The following CDH4 variants were observed in gnomAD, a reference collection of about 807,000 sequenced individuals.
CDH4 encodes the protein cadherin 4, also known as cadherin-4.
In CDH4, 33 loss-of-function variants were observed where a neutral mutation model predicts 86.0. That is an observed-to-expected ratio of 0.38 (90% CI 0.29 to 0.51). The LOEUF is 0.51. Among genes scored for constraint, CDH4 ranks in the 20% least tolerant of loss-of-function variants. The probability of loss-of-function intolerance (pLI) is 0.86; values close to 1 mark genes in which losing one functional copy is unlikely to be tolerated. For missense variants in CDH4, 1,114 were observed against 1,307.4 expected (o/e 0.85, Z 2.28); for synonymous variants, 555 against 549.4 (o/e 1.01, Z -0.14).
At chr20:61,613,596 G>GA (rs5842359) in intron 2 of CDH4, among the ~76,000 whole-genome samples, 18 of 134,206 alleles carry the variant, frequency 1.3e-4, no homozygotes, top group African/African-American at 2.5e-4. Flanking sequence ...GGCTTCAAAA[G>GA]AAAAAAAAAA....
intron 8 of CDH4, among the ~76,000 whole-genome samples, chr20:61,901,702 G>T (rs1470236045): frequency 6.6e-6 from 1 of 152,260 alleles, no homozygotes; most frequent in African/African-American, 2.4e-5. Context: ...GAACGTCAAG[G>T]CCTCATTAGG....
chr20:61,651,515 C>T (rs1164497041), intron 2 of CDH4, among the ~76,000 whole-genome samples: 2 of 152,176 alleles, frequency 1.3e-5, no homozygotes, highest in African/African-American at 2.4e-5. Flanking sequence ...GGTCAGCCCC[C>T]GCCTGGAGGC....
At chr20:61,795,490 A>G (rs896337707) in intron 4 of CDH4, among the ~76,000 whole-genome samples, 2 of 152,174 alleles carry the variant, frequency 1.3e-5, no homozygotes, top group Non-Finnish European at 2.9e-5. Context: ...TGAGACACTC[A>G]GGGTGACAAT....
rs532803654 is a variant in CDH4 at position 61,629,687 on chromosome 20, G to A, written c.170-113876G>A. 5.3e-5 allele frequency among the ~76,000 whole-genome samples: 8 copies of A among 152,322 alleles called. No homozygotes were observed. In the South Asian group the frequency reaches 1.7e-3, roughly 32 times the overall value. On this transcript the variant is annotated intron_variant, in intron 2 of 15. Transcript: ENST00000614565. ...TAACAGAGGTGGCCAGAGCCATGGAGAAGAATCTAGGAGCCCCAGACAAGC... is the reference window on the plus strand; with the variant it reads ...TAACAGAGGTGGCCAGAGCCATGGAAAAGAATCTAGGAGCCCCAGACAAGC...
intron 2 of CDH4, among the ~76,000 whole-genome samples, chr20:61,712,149 G>T (rs1260470099): frequency 6.6e-6 from 1 of 152,198 alleles, no homozygotes; most frequent in Non-Finnish European, 1.5e-5. Flanking sequence ...GCCAGGAGAG[G>T]CTGGTGAGGC....
chr20:61,919,338 T>C (rs758022718), intron 9 of CDH4, among the ~76,000 whole-genome samples: 6 of 152,234 alleles, frequency 3.9e-5, no homozygotes, highest in African/African-American at 7.2e-5. Flanking sequence ...GAGTTGGATC[T>C]GTTCAGACTC....
At chr20:61,861,224 G>A (rs1983308204) in intron 6 of CDH4, among the ~76,000 whole-genome samples, 1 of 152,178 alleles carries the variant, frequency 6.6e-6, no homozygotes, top group South Asian at 2.1e-4. Flanking sequence ...GTTCCACGTG[G>A]GAAGGACACA....
chr20:61,935,012 G>C (rs2055164374), intron 15 of CDH4, among the ~76,000 whole-genome samples: 1 of 152,228 alleles, frequency 6.6e-6, no homozygotes, highest in Admixed American at 6.5e-5. Context: ...GCGGTGAAGA[G>C]AACAGAGGAG....
intron 2 of CDH4, among the ~76,000 whole-genome samples, chr20:61,615,350 G>C (rs951096319): frequency 6.6e-6 from 1 of 151,048 alleles, no homozygotes; most frequent in African/African-American, 2.5e-5. Flanking sequence ...TTGAACTCCT[G>C]ACCTCTGGTG....
chr20:61,457,769 G>A (rs923651153), intron 2 of CDH4, among the ~76,000 whole-genome samples: 1 of 149,394 alleles, frequency 6.7e-6, no homozygotes, highest in Non-Finnish European at 1.5e-5. Context: ...TTATCATGGT[G>A]ATGGCCATGA....
At chr20:61,322,906 G>A (rs2084516386) in intron 2 of CDH4, among the ~76,000 whole-genome samples, 1 of 152,116 alleles carries the variant, frequency 6.6e-6, no homozygotes, top group Non-Finnish European at 1.5e-5. Flanking sequence ...TATCCCTGGT[G>A]TCCCCTTTTA....
chr20:61,736,619 AGAGG>A (rs1054630082), intron 2 of CDH4, among the ~76,000 whole-genome samples: 80 of 150,092 alleles, frequency 5.3e-4, no homozygotes, highest in African/African-American at 1.9e-3. Flanking sequence ...GGAAGGAAGG[AGAGG>A]GAGGGAGGGA....
chr20:61,512,399 C>T (rs1171287532), intron 2 of CDH4, among the ~76,000 whole-genome samples: 2 of 152,194 alleles, frequency 1.3e-5, no homozygotes, highest in Non-Finnish European at 2.9e-5. Flanking sequence ...TCGACCATAC[C>T]TCTTCCAGGT....
At chr20:61,698,498 G>GGTGCCCGCAGAGGGCACGGGGGAC in intron 2 of CDH4, among the ~76,000 whole-genome samples, 1 of 152,396 alleles carries the variant, frequency 6.6e-6, no homozygotes, top group African/African-American at 2.4e-5. Flanking sequence ...GGTGACTGCA[G>GGTGCCCGCAGAGGGCACGGGGGAC]GTGCCCGCAG....
chr20:61,528,351 C>T (rs191440325), intron 2 of CDH4, among the ~76,000 whole-genome samples: 29 of 127,312 alleles, frequency 2.3e-4, no homozygotes, highest in African/African-American at 7.4e-4. Context: ...CACTCCAGCC[C>T]GGGTGAAAGA....
intron 2 of CDH4, among the ~76,000 whole-genome samples, chr20:61,284,039 G>C (rs961359632): frequency 6.6e-6 from 1 of 152,108 alleles, no homozygotes; most frequent in East Asian, 1.9e-4. Flanking sequence ...GGGCGCGGTG[G>C]CTCACACCTG....
intron 2 of CDH4, among the ~76,000 whole-genome samples, chr20:61,330,648 G>C (rs990808710): frequency 6.6e-6 from 1 of 152,194 alleles, no homozygotes; most frequent in Admixed American, 6.5e-5. Context: ...GCTGGGCACC[G>C]ACATGCTACA....
At chr20:61,524,259 C>T (rs75214277) in intron 2 of CDH4, among the ~76,000 whole-genome samples, 3,123 of 152,160 alleles carry the variant, frequency 0.021, 110 homozygotes, top group African/African-American at 0.07. Context: ...CAGTCACTCT[C>T]GAGTCATTTA....
chr20:61,546,589 G>A (rs749528882), intron 2 of CDH4, among the ~76,000 whole-genome samples: 104 of 151,682 alleles, frequency 6.9e-4, no homozygotes, highest in Non-Finnish European at 1.3e-3. Flanking sequence ...GGCAGGGAGG[G>A]GGGTGTGTGT....
Sources: gnomAD v4.1 joint callset for allele counts (sites outside exome capture counted in the v4.1 genomes callset) on GRCh38, gnomAD v4.1.1 for gene constraint, MANE v1.5 for transcripts, NCBI Gene and HGNC (gene_info 2026-07-23, HGNC 2026-07-21) for gene names.